VSTM4: variants seen among roughly 807,000 people sequenced by gnomAD.
The protein encoded by VSTM4 is V-set and transmembrane domain-containing protein 4.
A neutral mutation model predicts 36.4 loss-of-function variants in VSTM4; 20 were observed. The observed-to-expected ratio is 0.55, with a 90% confidence interval of 0.39 to 0.80. The LOEUF (loss-of-function observed/expected upper bound fraction) is 0.80, where lower values mean the gene tolerates loss of function less well. Among genes scored for constraint, VSTM4 ranks in the 30% least tolerant of loss-of-function variants. The probability of loss-of-function intolerance (pLI) is 0.00; values close to 1 mark genes in which losing one functional copy is unlikely to be tolerated. For missense variants in VSTM4, 392 were observed against 404.5 expected (o/e 0.97, Z 0.26); for synonymous variants, 182 against 173.9 (o/e 1.05, Z -0.37).
At chr10:49,108,390 C>T (rs1049165832) in intron 1 of VSTM4, among the ~76,000 whole-genome samples, 2 of 152,240 alleles carry the variant, frequency 1.3e-5, no homozygotes, top group Non-Finnish European at 2.9e-5. Flanking sequence ...CCACCTGGCC[C>T]CTGCCCCTCC....
rs1005375207 is a variant in VSTM4, at chr10:49,070,079, C to T, written c.635-5343G>A. Among the ~76,000 whole-genome samples, 5 of 81,662 alleles carry T rather than the reference C, an allele frequency of 6.1e-5. 1 individual carries two copies. The highest frequency in any genetic ancestry group is 1.2e-4 in the Non-Finnish European group (5 of 42,582). The allele number at this position is 81,662 out of a possible 152,430, so 53.6% of individuals were successfully genotyped here. ...CATCCCGGCTAAAACGGTGAAACCCCGTCTCTACTAAAAATACAAAAAAAT... is the reference window on the plus strand; with the variant it reads ...CATCCCGGCTAAAACGGTGAAACCCTGTCTCTACTAAAAATACAAAAAAAT... On this transcript the variant is annotated intron_variant, in intron 4 of 7. Transcript: ENST00000332853.
chr10:49,034,799 A>C (rs1843402844), intron 7 of VSTM4, among the ~76,000 whole-genome samples: 1 of 152,112 alleles, frequency 6.6e-6, no homozygotes, highest in Admixed American at 6.5e-5. Flanking sequence ...TGTAGGACTG[A>C]AAAAGTCTTT....
At position 49,015,027 on chromosome 10, in the gene VSTM4, G is replaced by C. The variant is rs1486543243; in HGVS notation, c.*4623C>G. ...TTTACATCCTTGTCACTCAAAGTGT[G>C]GTTCAGGGACCAGAAGCATGGACAT... On this transcript the variant is annotated 3_prime_UTR_variant, in exon 8 of 8. Coordinates refer to ENST00000332853, the MANE Select transcript of VSTM4 (RefSeq NM_001031746.5). 6.6e-6 allele frequency: 1 copy of C among 152,190 alleles called. No homozygotes were observed. Among genetic ancestry groups the C allele is most frequent in the African/African-American group, 2.4e-5 (1 of 41,406 alleles). The allele number at this position is 152,190 out of a possible 1,614,324, so 9.4% of individuals were successfully genotyped here.
intron 7 of VSTM4, among the ~76,000 whole-genome samples, chr10:49,025,483 C>T (rs1217034269): frequency 2.6e-5 from 4 of 152,178 alleles, no homozygotes; most frequent in Non-Finnish European, 5.9e-5. Context: ...TCACATGGCA[C>T]CCTGCCCCCA....
chr10:49,078,151 G>A (rs1442069351), intron 3 of VSTM4, among the ~76,000 whole-genome samples: 1 of 152,162 alleles, frequency 6.6e-6, no homozygotes, highest in Non-Finnish European at 1.5e-5. Context: ...ATAAAAAATA[G>A]TGACATCCCC....
chr10:49,022,673 G>A (rs767422735), intron 7 of VSTM4, among the ~76,000 whole-genome samples: 18 of 151,878 alleles, frequency 1.2e-4, no homozygotes, highest in African/African-American at 2.2e-4. Flanking sequence ...TTACATTCTC[G>A]CTTTTCAGTT....
At position 49,107,662 on chromosome 10, in the gene VSTM4, T is replaced by C. The variant is rs762597161; in HGVS notation, c.389A>G (p.Gln130Arg). ...CTTGTTCCTGTGCCTGCTGATTTCCTGGACTCTGCAGACGTAATGCCCTTG... is the reference window on the plus strand; with the variant it reads ...CTTGTTCCTGTGCCTGCTGATTTCCCGGACTCTGCAGACGTAATGCCCTTG... ...SDQGHYVCRVQEISRHRNKWT... is the reference protein window; with the variant it reads ...SDQGHYVCRVREISRHRNKWT... Residue 130 changes from glutamine (Q) to arginine (R), a missense_variant, in exon 2 of 8, where the codon CAG (glutamine) becomes CGG (arginine). By Grantham distance (43) the Gln-to-Arg change is conservative. Transcript: ENST00000332853. 1 of 1,614,188 alleles carries C rather than the reference T, an allele frequency of 6.2e-7. No individual in the cohort carries two copies. The highest frequency in any genetic ancestry group is 8.5e-7 in the Non-Finnish European group (1 of 1,179,984).
At chr10:49,103,822 C>T in intron 2 of VSTM4, 1 of 1,613,984 alleles carries the variant, frequency 6.2e-7, no homozygotes. Flanking sequence ...AGGGAAATCC[C>T]AAGAAAAGCT....
At chr10:49,035,934 T>C (rs537908249) in intron 7 of VSTM4, among the ~76,000 whole-genome samples, 39 of 152,308 alleles carry the variant, frequency 2.6e-4, no homozygotes, top group African/African-American at 9.1e-4. Context: ...TATTGGTCTC[T>C]GACACAGCTG....
chr10:49,111,623 G>A (rs758632798), intron 1 of VSTM4, among the ~76,000 whole-genome samples: 6 of 152,172 alleles, frequency 3.9e-5, no homozygotes, highest in South Asian at 2.1e-4. Flanking sequence ...CCTGTGTTGC[G>A]GAGAATTGAG....
At chr10:49,033,403 T>C (rs902378391) in intron 7 of VSTM4, among the ~76,000 whole-genome samples, 5 of 150,772 alleles carry the variant, frequency 3.3e-5, no homozygotes, top group African/African-American at 1.2e-4. Flanking sequence ...ATATACATAT[T>C]GGGAATATAT....
At chr10:49,106,422 T>C (rs868630285) in intron 2 of VSTM4, among the ~76,000 whole-genome samples, 4 of 152,240 alleles carry the variant, frequency 2.6e-5, no homozygotes, top group Non-Finnish European at 4.4e-5. Flanking sequence ...GTGAGAGGTG[T>C]CTTCCCGAAT....
chr10:49,050,209 A>G (rs1356824816), intron 5 of VSTM4, among the ~76,000 whole-genome samples: 1 of 152,244 alleles, frequency 6.6e-6, no homozygotes, highest in Admixed American at 6.5e-5. Context: ...CCACTTTTAC[A>G]TAAAAATAAG....
intron 7 of VSTM4, among the ~76,000 whole-genome samples, chr10:49,036,131 G>A (rs1008076109): frequency 1.4e-4 from 21 of 152,238 alleles, no homozygotes; most frequent in African/African-American, 4.8e-4. Flanking sequence ...CCAGCTTACC[G>A]AACGCCGAGA....
At chr10:49,057,243 A>G (rs1269755039) in intron 5 of VSTM4, among the ~76,000 whole-genome samples, 1 of 152,194 alleles carries the variant, frequency 6.6e-6, no homozygotes, top group Non-Finnish European at 1.5e-5. Flanking sequence ...GAAGGTTTGT[A>G]AATGACAGAG....
chr10:49,025,864 G>T (rs1415023507), intron 7 of VSTM4, among the ~76,000 whole-genome samples: 1 of 152,216 alleles, frequency 6.6e-6, no homozygotes, highest in Non-Finnish European at 1.5e-5. Context: ...GGTTGTTTCT[G>T]CCCCCAAACC....
rs185363520 is a variant in VSTM4, at chr10:49,104,203, A to G, written c.457+3391T>C. On this transcript the variant is annotated intron_variant, in intron 2 of 7. Transcript: ENST00000332853. The stretch of plus-strand genomic sequence containing the variant: ...AATCCCAGCTACTCAGGAGACTGAG[A>G]CAGGAGAATTGCTTGAACCCAGGAG... 5.9e-3 allele frequency among the ~76,000 whole-genome samples: 891 copies of G among 152,254 alleles called. 6 individuals carry two copies. The highest frequency in any genetic ancestry group is 0.02 in the African/African-American group (836 of 41,550).
chr10:49,085,829 T>G, intron 3 of VSTM4, 126 bp downstream of exon 3: 2 of 537,932 alleles, frequency 3.7e-6, no homozygotes, highest in Non-Finnish European at 3.3e-6. Context: ...ATGTGGCACA[T>G]GCATATATAT....
intron 2 of VSTM4, among the ~76,000 whole-genome samples, chr10:49,097,482 T>C (rs1844594492): frequency 1.3e-5 from 2 of 152,076 alleles, no homozygotes; most frequent in Admixed American, 1.3e-4. Flanking sequence ...AACCACAATG[T>C]CTTAGACTTG....
Sources: allele counts gnomAD v4.1 joint callset (sites outside exome capture counted in the v4.1 genomes callset), GRCh38; gene constraint gnomAD v4.1.1; transcripts MANE v1.5; gene names NCBI Gene and HGNC (gene_info 2026-07-23, HGNC 2026-07-21).